Variants in ADARB2 observed in about 807,000 individuals in gnomAD.
ADARB2 encodes the protein inactive double-stranded RNA-specific editase B2.
ADARB2 carries 25 observed loss-of-function variants against 62.2 expected under a neutral mutation model. The ratio of observed to expected loss-of-function variants is 0.40; its 90% CI spans 0.29 to 0.56. The LOEUF (loss-of-function observed/expected upper bound fraction) is 0.56, where lower values mean the gene tolerates loss of function less well. Among genes scored for constraint, ADARB2 ranks in the 20% least tolerant of loss-of-function variants. The pLI, the probability that ADARB2 is intolerant of heterozygous loss-of-function variation, is 0.43. For synonymous variants in ADARB2, 572 were observed against 500.8 expected, an observed-to-expected ratio of 1.14 and a Z score of -1.90; for missense variants, 1,071 against 1,077.4, an observed-to-expected ratio of 0.99 and a Z score of 0.08.
intron 1 of ADARB2, among the ~76,000 whole-genome samples, chr10:1,429,726 A>G (rs1340084276): frequency 1.3e-5 from 2 of 152,202 alleles, no homozygotes; most frequent in African/African-American, 2.4e-5. Flanking sequence ...ACTTATTAAG[A>G]CAGTCACTTT....
At chr10:1,630,722 C>T (rs1383078314) in intron 1 of ADARB2, among the ~76,000 whole-genome samples, 5 of 151,996 alleles carry the variant, frequency 3.3e-5, no homozygotes, top group Non-Finnish European at 5.9e-5. Context: ...TTTGGGAGGC[C>T]GAGGTGGGCA....
rs192711948 is a variant in ADARB2, at chr10:1,283,187, T to G, written c.1078-12118A>C. Among the ~76,000 whole-genome samples, 38 of 152,336 alleles carry G rather than the reference T, an allele frequency of 2.5e-4. 1 individual carries two copies. Among genetic ancestry groups the G allele is most frequent in the African/African-American group, 8.7e-4 (36 of 41,588 alleles). On this transcript the variant is annotated intron_variant, in intron 3 of 9. Coordinates refer to ENST00000381312, the MANE Select transcript of ADARB2 (RefSeq NM_018702.4). ...CCTGGCATAATTTGTATGCTTGTCT[T>G]TCTTTCTCCTGTACATGTCATACAT...
chr10:1,544,547 CT>C (rs1292053160), intron 1 of ADARB2, among the ~76,000 whole-genome samples: 1 of 152,122 alleles, frequency 6.6e-6, no homozygotes, highest in East Asian at 1.9e-4. Context: ...TTGGAGAAGG[CT>C]CTGTTGGGGC....
chr10:1,637,746 A>G (rs1038128673), intron 1 of ADARB2, among the ~76,000 whole-genome samples: 2 of 152,192 alleles, frequency 1.3e-5, no homozygotes, highest in African/African-American at 4.8e-5. Context: ...AATCGCTCGC[A>G]ATAATTTGCC....
At chr10:1,306,906 C>T (rs1831635116) in intron 3 of ADARB2, among the ~76,000 whole-genome samples, 2 of 146,860 alleles carry the variant, frequency 1.4e-5, no homozygotes, top group Non-Finnish European at 3.0e-5. Context: ...TGGATCCCTT[C>T]CTTACACCTT....
chr10:1,233,284 C>T (rs1327337573), intron 6 of ADARB2, among the ~76,000 whole-genome samples: 1 of 152,194 alleles, frequency 6.6e-6, no homozygotes, highest in Admixed American at 6.5e-5. Context: ...ATCACTCATC[C>T]CTGGCTTGGT....
At chr10:1,328,493 A>C (rs1203449712) in intron 3 of ADARB2, among the ~76,000 whole-genome samples, 1 of 152,078 alleles carries the variant, frequency 6.6e-6, no homozygotes, top group Non-Finnish European at 1.5e-5. Flanking sequence ...ATTCCATTCA[A>C]ACCCGCGTCC....
intron 5 of ADARB2, among the ~76,000 whole-genome samples, chr10:1,238,593 G>C (rs1220395361): frequency 0.073 from 57 of 782 alleles, 3 homozygotes; most frequent in African/African-American, 0.18. Context: ...ACTCCCCTCT[G>C]CCTCCCGGTG....
chr10:1,603,602 G>A (rs1280104940), intron 1 of ADARB2, among the ~76,000 whole-genome samples: 2 of 151,508 alleles, frequency 1.3e-5, no homozygotes, highest in Non-Finnish European at 1.5e-5. Flanking sequence ...TTCTCTCTAC[G>A]CTGCCAGTTG....
rs1282225750 is a variant in ADARB2, at chr10:1,420,611, GGAA to G, written c.101-41454_101-41452del. Among the ~76,000 whole-genome samples the G allele has an allele frequency of 9.7e-3, 1,169 of 121,092 alleles. 17 individuals are homozygous for G. Among genetic ancestry groups the G allele is most frequent in the African/African-American group, 0.021 (623 of 29,524 alleles). The allele number at this position is 121,092 out of a possible 152,430, so 79.4% of individuals were successfully genotyped here. ...GCAGGTCCTCATCTTCCAGAAAGAG[GGAA>G]AAAAAAAAAAAAAAAAGGCAGAGGA... is the stretch of plus-strand genomic sequence containing the variant. On this transcript the variant is annotated intron_variant, in intron 1 of 9. Coordinates refer to ENST00000381312, the MANE Select transcript of ADARB2 (RefSeq NM_018702.4).
intron 1 of ADARB2, among the ~76,000 whole-genome samples, chr10:1,497,957 A>C (rs1831713620): frequency 6.6e-6 from 1 of 152,178 alleles, no homozygotes; most frequent in Non-Finnish European, 1.5e-5. Context: ...AGAGGTAGAG[A>C]AAATGAACAT....
Position 1,337,656 on chromosome 10 carries a change from C to T in ADARB2, c.1077+25372G>A, listed in dbSNP as rs141430902. Among the ~76,000 whole-genome samples, 384 of 152,216 alleles carry T rather than the reference C, an allele frequency of 2.5e-3. 2 individuals are homozygous for T. The highest frequency in any genetic ancestry group is 8.9e-3 in the African/African-American group (369 of 41,528). ...GAGGCCTCATATCACCTCAACTTTA[C>T]CCTGGGGCTGGAGTGCAGGGATTAG... is the stretch of plus-strand genomic sequence containing the variant. On this transcript the variant is annotated intron_variant, in intron 3 of 9. Transcript: ENST00000381312.
intron 1 of ADARB2, among the ~76,000 whole-genome samples, chr10:1,395,750 G>A (rs149879843): frequency 6.6e-6 from 1 of 152,206 alleles, no homozygotes; most frequent in Non-Finnish European, 1.5e-5. Flanking sequence ...GACAAGGACC[G>A]GGAGTGCAGC....
chr10:1,596,831 G>A (rs1310556932), intron 1 of ADARB2, among the ~76,000 whole-genome samples: 1 of 152,198 alleles, frequency 6.6e-6, no homozygotes, highest in African/African-American at 2.4e-5. Context: ...CGCAGCAGGA[G>A]GGAGAGTGGG....
intron 1 of ADARB2, among the ~76,000 whole-genome samples, chr10:1,558,389 C>T (rs558987391): frequency 3.0e-5 from 4 of 134,606 alleles, no homozygotes; most frequent in East Asian, 2.2e-4. Flanking sequence ...CATCTAAACT[C>T]GAATCCCACC....
intron 1 of ADARB2, among the ~76,000 whole-genome samples, chr10:1,533,442 A>G (rs1033008276): frequency 1.7e-4 from 17 of 97,782 alleles, no homozygotes; most frequent in African/African-American, 5.4e-4. Flanking sequence ...ACGACCAAAC[A>G]TCACCTTTTA....
chr10:1,713,141 G>T (rs1459396127), intron 1 of ADARB2, among the ~76,000 whole-genome samples: 2 of 152,306 alleles, frequency 1.3e-5, no homozygotes, highest in Non-Finnish European at 1.5e-5. Context: ...GGGGCGCCTG[G>T]AGGGTACCGC....
At chr10:1,299,825 C>A (rs1347495506) in intron 3 of ADARB2, among the ~76,000 whole-genome samples, 1 of 152,238 alleles carries the variant, frequency 6.6e-6, no homozygotes, top group Non-Finnish European at 1.5e-5. Flanking sequence ...AGTCTGGTCC[C>A]CTGTGCTTCC....
intron 1 of ADARB2, among the ~76,000 whole-genome samples, chr10:1,480,583 C>A (rs746729137): frequency 1.3e-4 from 19 of 151,882 alleles, no homozygotes; most frequent in South Asian, 2.1e-4. Context: ...CTGTAGTCCC[C>A]GCTACTCAGG....
Sources: allele counts gnomAD v4.1 joint callset (sites outside exome capture counted in the v4.1 genomes callset), GRCh38; gene constraint gnomAD v4.1.1; transcripts MANE v1.5; gene names NCBI Gene and HGNC (gene_info 2026-07-23, HGNC 2026-07-21).